The following GPC5 variants were observed in gnomAD, a reference collection of about 807,000 sequenced individuals.
GPC5 encodes glypican-5.
GPC5 carries 47 observed loss-of-function variants against 53.9 expected under a neutral mutation model. That is an observed-to-expected ratio of 0.87 (90% confidence interval 0.69 to 1.11). The LOEUF (loss-of-function observed/expected upper bound fraction) is 1.11. Among genes scored for constraint, GPC5 ranks in the 50% most tolerant of loss-of-function variants. GPC5 has a pLI of 0.00. For missense variants in GPC5, 748 were observed against 713.1 expected, an observed-to-expected ratio of 1.05 and a Z score of -0.56; for synonymous variants, 286 against 263.3, an observed-to-expected ratio of 1.09 and a Z score of -0.84.
intron 7 of GPC5, among the ~76,000 whole-genome samples, chr13:92,741,733 C>A (rs1889100764): frequency 6.6e-6 from 1 of 152,020 alleles, no homozygotes; most frequent in African/African-American, 2.4e-5. Flanking sequence ...CTATCCCTCC[C>A]CTCTCCCCCT....
intron 7 of GPC5, among the ~76,000 whole-genome samples, chr13:92,859,829 G>A (rs1204737534): frequency 2.0e-5 from 3 of 152,032 alleles, no homozygotes; most frequent in African/African-American, 4.8e-5. Context: ...TCAGATGTGT[G>A]TTCTTTTGCT....
intron 6 of GPC5, among the ~76,000 whole-genome samples, chr13:92,112,237 C>T (rs1259662021): frequency 6.6e-6 from 1 of 151,982 alleles, no homozygotes; most frequent in Non-Finnish European, 1.5e-5. Context: ...ACTGCGGAGA[C>T]ATCAGCCTAT....
intron 7 of GPC5, among the ~76,000 whole-genome samples, chr13:92,352,271 TA>T (rs2043484976): frequency 6.6e-6 from 1 of 152,126 alleles, no homozygotes; most frequent in African/African-American, 2.4e-5. Flanking sequence ...ATCATTTATG[TA>T]AAAATGTCAA....
At chr13:91,588,692 G>A (rs1467786244) in intron 2 of GPC5, among the ~76,000 whole-genome samples, 1 of 152,080 alleles carries the variant, frequency 6.6e-6, no homozygotes, top group Non-Finnish European at 1.5e-5. Flanking sequence ...TGCAAAGTCA[G>A]TGCTAGACTT....
intron 7 of GPC5, among the ~76,000 whole-genome samples, chr13:92,373,755 A>G (rs559000633): frequency 5.3e-5 from 8 of 152,318 alleles, no homozygotes; most frequent in African/African-American, 1.7e-4. Flanking sequence ...GAAAATTTCA[A>G]TATAGATTAA....
intron 2 of GPC5, among the ~76,000 whole-genome samples, chr13:91,464,570 A>T (rs758390934): frequency 6.6e-6 from 1 of 152,176 alleles, no homozygotes; most frequent in Non-Finnish European, 1.5e-5. Context: ...ACATGCAAAC[A>T]ATTGGATGGA....
intron 7 of GPC5, among the ~76,000 whole-genome samples, chr13:92,703,909 G>A (rs1201872571): frequency 6.6e-6 from 1 of 151,884 alleles, no homozygotes; most frequent in Non-Finnish European, 1.5e-5. Flanking sequence ...ATTTTTCAGA[G>A]CTTTAGAGAT....
chr13:92,585,046 G>A (rs193110129), intron 7 of GPC5, among the ~76,000 whole-genome samples: 30 of 152,250 alleles, frequency 2.0e-4, no homozygotes, highest in Admixed American at 5.9e-4. Flanking sequence ...GAGAACTTCC[G>A]CTAGAGCAGT....
At chr13:91,484,996 G>A (rs1024991932) in intron 2 of GPC5, among the ~76,000 whole-genome samples, 2 of 152,214 alleles carry the variant, frequency 1.3e-5, no homozygotes, top group African/African-American at 4.8e-5. Context: ...AGATGTGTAT[G>A]ATCTGAGAGC....
At chr13:92,202,822 G>GA (rs984006516) in intron 7 of GPC5, among the ~76,000 whole-genome samples, 4 of 151,548 alleles carry the variant, frequency 2.6e-5, no homozygotes, top group Non-Finnish European at 4.4e-5. Context: ...AAAATGCTGA[G>GA]AAAAAAAATA....
intron 7 of GPC5, among the ~76,000 whole-genome samples, chr13:92,738,741 A>T (rs1889008047): frequency 6.6e-6 from 1 of 152,074 alleles, no homozygotes; most frequent in African/African-American, 2.4e-5. Context: ...CATTTTTCTA[A>T]GTATGTTCTG....
chr13:92,274,670 C>G (rs1402329947), intron 7 of GPC5, among the ~76,000 whole-genome samples: 1 of 152,100 alleles, frequency 6.6e-6, no homozygotes, highest in African/African-American at 2.4e-5. Context: ...GGGGAAGGAT[C>G]CATGTATAAG....
chr13:92,267,861 C>A (rs1318512437), intron 7 of GPC5, among the ~76,000 whole-genome samples: 2 of 152,036 alleles, frequency 1.3e-5, no homozygotes, highest in East Asian at 1.9e-4. Flanking sequence ...AAACTCCCAA[C>A]CCCTAGAATA....
intron 2 of GPC5, among the ~76,000 whole-genome samples, chr13:91,514,292 T>C (rs943465215): frequency 1.3e-5 from 2 of 152,168 alleles, no homozygotes; most frequent in Admixed American, 1.3e-4. Context: ...AGTTCATGAG[T>C]ATGAGTGAGC....
At chr13:92,500,986 A>G (rs1880162389) in intron 7 of GPC5, among the ~76,000 whole-genome samples, 1 of 152,254 alleles carries the variant, frequency 6.6e-6, no homozygotes, top group South Asian at 2.1e-4. Context: ...GACTATCTAT[A>G]AAACAAAAGT....
intron 2 of GPC5, among the ~76,000 whole-genome samples, chr13:91,546,744 G>A (rs995113686): frequency 4.5e-4 from 68 of 152,068 alleles, no homozygotes; most frequent in Non-Finnish European, 2.2e-4. Flanking sequence ...TCTTTTAAGC[G>A]ATATCGAGGA....
intron 2 of GPC5, among the ~76,000 whole-genome samples, chr13:91,688,619 T>C (rs1446653633): frequency 6.6e-6 from 1 of 152,164 alleles, no homozygotes; most frequent in Non-Finnish European, 1.5e-5. Context: ...TTGACACGGT[T>C]GTGTGCCACT....
At chr13:92,132,213 G>C (rs1211811905) in intron 6 of GPC5, among the ~76,000 whole-genome samples, 3 of 152,086 alleles carry the variant, frequency 2.0e-5, no homozygotes, top group African/African-American at 4.8e-5. Context: ...AAATTAATGA[G>C]GCATAAAAGA....
At chr13:92,590,688 T>C (rs887589821) in intron 7 of GPC5, among the ~76,000 whole-genome samples, 1 of 152,258 alleles carries the variant, frequency 6.6e-6, no homozygotes, top group Admixed American at 6.5e-5. Flanking sequence ...CCCACGTTGT[T>C]ATTGCAGGTT....
Sources: allele counts gnomAD v4.1 joint callset (sites outside exome capture counted in the v4.1 genomes callset), GRCh38; gene constraint gnomAD v4.1.1; transcripts MANE v1.5; gene names NCBI Gene and HGNC (gene_info 2026-07-23, HGNC 2026-07-21).